FBXW10: variants seen among roughly 807,000 people sequenced by gnomAD.
FBXW10 encodes F-box/WD repeat-containing protein 10.
Under a neutral mutation model 113.1 loss-of-function variants are expected in FBXW10, and 68 were observed. The ratio of observed to expected loss-of-function variants is 0.60; its 90% CI spans 0.49 to 0.74. FBXW10 has a LOEUF of 0.74. Among genes scored for constraint, FBXW10 ranks in the 30% least tolerant of loss-of-function variants. The probability of loss-of-function intolerance (pLI) is 0.00; values close to 1 mark genes in which losing one functional copy is unlikely to be tolerated. For missense variants in FBXW10, 753 were observed against 1,284.5 expected (o/e 0.59, Z 6.32); for synonymous variants, 289 against 481.6 (o/e 0.60, Z 5.24).
At chr17:18,774,170 G>GGAGTTGCTTAACAT (rs2035663318) in intron 12 of FBXW10, among the ~76,000 whole-genome samples, 2 of 152,170 alleles carry the variant, frequency 1.3e-5, no homozygotes, top group African/African-American at 4.8e-5. Context: ...AATCACAAGG[G>GGAGTTGCTTAACAT]TGTCTATCTC....
chr17:18,760,306 T>C (rs570385440), intron 7 of FBXW10, among the ~76,000 whole-genome samples: 1 of 152,314 alleles, frequency 6.6e-6, no homozygotes, highest in Non-Finnish European at 1.5e-5. Context: ...TGTATATACA[T>C]AGGAGATTTA....
intron 11 of FBXW10, among the ~76,000 whole-genome samples, chr17:18,770,389 C>T (rs1380885009): frequency 6.6e-6 from 1 of 152,030 alleles, no homozygotes; most frequent in African/African-American, 2.4e-5. Flanking sequence ...CTGCAACCTC[C>T]GCCTCCCGGG....
chr17:18,759,536 TACTGTATTAA>T, intron 7 of FBXW10, among the ~76,000 whole-genome samples: 1 of 152,340 alleles, frequency 6.6e-6, no homozygotes, highest in African/African-American at 2.4e-5. Flanking sequence ...TTCACTGAGA[TACTGTATTAA>T]ATTGGATGAT....
Position 18,744,178 on chromosome 17 carries a change from C to T in FBXW10, c.-67C>T. On this transcript the variant is annotated 5_prime_UTR_variant, in exon 1 of 14. Coordinates refer to ENST00000395665, the MANE Select transcript of FBXW10 (RefSeq NM_001267585.2). The stretch of plus-strand genomic sequence containing the variant: ...GGGTATTTATTCATTCCCCCCGTTC[C>T]TCTAGTGTTTGGTGGCGTTGCCGTT... 1.3e-6 allele frequency: 2 copies of T among 1,536,294 alleles called. No individual in the cohort carries two copies. The highest frequency in any genetic ancestry group is 1.8e-6 in the Non-Finnish European group (2 of 1,140,400).
chr17:18,755,237 T>C (rs2035236469), intron 5 of FBXW10, among the ~76,000 whole-genome samples: 1 of 149,948 alleles, frequency 6.7e-6, no homozygotes, highest in Non-Finnish European at 1.5e-5. Context: ...CACTCCAGCC[T>C]GGGTGAGAAG....
intron 13 of FBXW10, 132 bp from the exon 14 acceptor site, chr17:18,778,343 T>TG: frequency 8.6e-7 from 1 of 1,166,606 alleles, no homozygotes; most frequent in Non-Finnish European, 1.2e-6. Context: ...CCTGCCTGTA[T>TG]GATGGCATAC....
chr17:18,751,195 T>C, intron 5 of FBXW10, 142 bp downstream of exon 5: 1 of 1,114,522 alleles, frequency 9.0e-7, no homozygotes. Flanking sequence ...GAGAGTTCTG[T>C]GTTGCTACTG....
At position 18,760,497 on chromosome 17, in the gene FBXW10, T is replaced by A. The variant is rs140161487; in HGVS notation, c.1433+1992T>A. Among the ~76,000 whole-genome samples, 12 of 152,362 alleles carry A rather than the reference T, an allele frequency of 7.9e-5. No homozygotes were observed. The East Asian group carries it at 2.3e-3, about 29-fold the overall frequency. On this transcript the variant is annotated intron_variant, in intron 7 of 13. Transcript: ENST00000395665. ...TGTGTTCATAGTATCTACATGAATT[T>A]TGTTGAACAAAAATTCTCAATATGG...
At chr17:18,758,792 AC>A (rs1175908758) in intron 7 of FBXW10, among the ~76,000 whole-genome samples, 1 of 140,918 alleles carries the variant, frequency 7.1e-6, no homozygotes, top group Non-Finnish European at 1.5e-5. Context: ...GAAATAATTT[AC>A]ATTTGTTCTT....
intron 7 of FBXW10, 111 bp from the exon 8 acceptor site, chr17:18,764,631 A>T: frequency 6.5e-7 from 1 of 1,540,176 alleles, no homozygotes; most frequent in Non-Finnish European, 8.8e-7. Context: ...TCTAAGCTGA[A>T]CCATGAGAAT....
At chr17:18,759,148 C>T (rs1485152075) in intron 7 of FBXW10, among the ~76,000 whole-genome samples, 7 of 151,716 alleles carry the variant, frequency 4.6e-5, no homozygotes, top group Non-Finnish European at 8.8e-5. Flanking sequence ...CCAGACTGGG[C>T]GACACAGCGA....
chr17:18,755,018 T>C (rs577740020), intron 5 of FBXW10, among the ~76,000 whole-genome samples: 1 of 152,182 alleles, frequency 6.6e-6, no homozygotes, highest in East Asian at 1.9e-4. Context: ...ATCCCAGCAC[T>C]TTGGGAGGCT....
At chr17:18,774,922 A>C (rs149590497) in intron 12 of FBXW10, among the ~76,000 whole-genome samples, 163 of 152,334 alleles carry the variant, frequency 1.1e-3, no homozygotes, top group South Asian at 1.4e-3. Flanking sequence ...GGATATCCTA[A>C]TTATCTTGAT....
At position 18,775,145 on chromosome 17, in the gene FBXW10, T is replaced by C. The variant is rs546205050; in HGVS notation, c.2288T>C (p.Ile763Thr). ...CTCAATCTCAATTTAGCAGTGTTAA[T>C]AGAGGAACTTCAAAGTCAAGGAAAG... Reference protein sequence around the residue: ...KPAKFSSAVLIEELQSQGKSK... With the variant: ...KPAKFSSAVLTEELQSQGKSK... The change falls in exon 13 of 14, where the codon ATA (isoleucine) becomes ACA (threonine). Residue 763 changes from isoleucine (I) to threonine (T), a missense_variant. Physicochemically the swap from Ile to Thr is moderately conservative, Grantham distance 89 (BLOSUM62 -1). Transcript: ENST00000395665. 3.1e-6 allele frequency: 5 copies of C among 1,608,346 alleles called. No individual in the cohort carries two copies. The highest frequency in any genetic ancestry group is 2.2e-5 in the East Asian group (1 of 44,860).
chr17:18,771,799 A>C (rs1168352792), intron 11 of FBXW10, among the ~76,000 whole-genome samples: 1 of 152,170 alleles, frequency 6.6e-6, no homozygotes, highest in Non-Finnish European at 1.5e-5. Flanking sequence ...CCAGGAACAG[A>C]AATTCATTTA....
At chr17:18,762,890 G>C (rs2035413412) in intron 7 of FBXW10, among the ~76,000 whole-genome samples, 1 of 147,838 alleles carries the variant, frequency 6.8e-6, no homozygotes, top group South Asian at 2.2e-4. Context: ...ACCTTTTCTT[G>C]CATAAATTTA....
rs1228399160 is a variant in FBXW10 at position 18,750,912 on chromosome 17, A to AT, written c.1000-13dup. On this transcript the variant is annotated intron_variant, in intron 4 of 13. Coordinates refer to ENST00000395665, the MANE Select transcript of FBXW10 (RefSeq NM_001267585.2). ...TTTTCTGTTTTTATTTTTATTTTTTATTTTTTGTCTTTTTCCAGGGGTCCT... is the reference window on the plus strand; with the variant it reads ...TTTTCTGTTTTTATTTTTATTTTTTATTTTTTTGTCTTTTTCCAGGGGTCCT... 1.2e-6 allele frequency: 2 copies of AT among 1,605,468 alleles called. No individual in the cohort carries two copies. The highest frequency in any genetic ancestry group is 1.7e-6 in the Non-Finnish European group (2 of 1,176,642).
At chr17:18,764,621 T>C (rs2035450839) in intron 7 of FBXW10, 121 bp from the exon 8 acceptor site, 3 of 1,500,064 alleles carry the variant, frequency 2.0e-6, no homozygotes, top group Non-Finnish European at 8.9e-7. Context: ...GGCCCCTGAC[T>C]CTAAGCTGAA....
intron 9 of FBXW10, among the ~76,000 whole-genome samples, 164 bp downstream of exon 9, chr17:18,767,026 G>A (rs1194155458): frequency 6.6e-6 from 1 of 152,202 alleles, no homozygotes; most frequent in East Asian, 1.9e-4. Flanking sequence ...GGCATTCAGA[G>A]TCTGTGGAGG....
Sources: allele counts gnomAD v4.1 joint callset (sites outside exome capture counted in the v4.1 genomes callset), GRCh38; gene constraint gnomAD v4.1.1; transcripts MANE v1.5; gene names NCBI Gene and HGNC (gene_info 2026-07-23, HGNC 2026-07-21).